Variants in SLC35F1 observed in about 807,000 individuals in gnomAD.
SLC35F1 encodes the protein chromosome 6 open reading frame 169.
In SLC35F1, 14 loss-of-function variants were observed where a neutral mutation model predicts 48.7. That is an observed-to-expected ratio of 0.29 (90% CI 0.19 to 0.45). The LOEUF (loss-of-function observed/expected upper bound fraction) is 0.45, where lower values mean the gene tolerates loss of function less well. SLC35F1 is among the 20% of genes least tolerant of loss of function. The pLI, the probability that SLC35F1 is intolerant of heterozygous loss-of-function variation, is 1.00. For missense variants in SLC35F1, 404 were observed against 500.0 expected, an observed-to-expected ratio of 0.81 and a Z score of 1.83; for synonymous variants, 190 against 202.2, an observed-to-expected ratio of 0.94 and a Z score of 0.51.
chr6:118,172,420 G>T (rs540941352), intron 2 of SLC35F1, among the ~76,000 whole-genome samples: 1 of 151,870 alleles, frequency 6.6e-6, no homozygotes, highest in Non-Finnish European at 1.5e-5. Flanking sequence ...TTTTATTAAC[G>T]TCTCATCCAA....
chr6:118,089,227 G>A (rs1253284839), intron 1 of SLC35F1, among the ~76,000 whole-genome samples: 1 of 152,102 alleles, frequency 6.6e-6, no homozygotes, highest in Non-Finnish European at 1.5e-5. Flanking sequence ...TCAGGATGAG[G>A]GCCAGAATGG....
In SLC35F1 at chr6:118,218,005, G is replaced by A. The variant is rs142942967; in HGVS notation, c.350-17504G>A. ...GTAGGACAGATGGCATGGTATAGAC[G>A]GCAGGTCCACAGACTGGATGGATGG... On this transcript the variant is annotated intron_variant, in intron 2 of 7. Coordinates refer to ENST00000360388, the MANE Select transcript of SLC35F1 (RefSeq NM_001029858.4). 2.5e-3 allele frequency among the ~76,000 whole-genome samples: 378 copies of A among 152,226 alleles called. 2 individuals are homozygous for A. The highest frequency in any genetic ancestry group is 4.1e-3 in the Non-Finnish European group (276 of 68,000).
intron 1 of SLC35F1, among the ~76,000 whole-genome samples, chr6:117,940,951 A>G (rs759697396): frequency 6.6e-6 from 1 of 152,138 alleles, no homozygotes; most frequent in Admixed American, 6.6e-5. Flanking sequence ...GCCTGGCCCA[A>G]AGATGTGGTT....
At chr6:118,260,843 A>G (rs1775703312) in intron 3 of SLC35F1, among the ~76,000 whole-genome samples, 1 of 152,178 alleles carries the variant, frequency 6.6e-6, no homozygotes, top group Non-Finnish European at 1.5e-5. Context: ...CTTCTACAAA[A>G]TATGAATTTT....
intron 2 of SLC35F1, among the ~76,000 whole-genome samples, chr6:118,197,822 C>T (rs1184327011): frequency 1.3e-5 from 2 of 152,058 alleles, no homozygotes; most frequent in African/African-American, 2.4e-5. Context: ...CTTTCTGAAA[C>T]AGCCGGTTCC....
chr6:118,110,351 T>A (rs1327475264), intron 1 of SLC35F1, among the ~76,000 whole-genome samples: 2 of 152,100 alleles, frequency 1.3e-5, no homozygotes, highest in Non-Finnish European at 2.9e-5. Context: ...AGCTAAAACC[T>A]GTATTGGTAG....
chr6:117,950,005 A>G (rs1471714654), intron 1 of SLC35F1, among the ~76,000 whole-genome samples: 1 of 152,004 alleles, frequency 6.6e-6, no homozygotes, highest in Non-Finnish European at 1.5e-5. Context: ...CTTTTGGTGT[A>G]TGTAGCTTTT....
chr6:118,007,252 C>T (rs1777185696), intron 1 of SLC35F1, among the ~76,000 whole-genome samples: 1 of 152,140 alleles, frequency 6.6e-6, no homozygotes. Flanking sequence ...GTCACTGGTG[C>T]CACTCCTGTG....
chr6:118,122,404 C>A (rs1016810900), intron 1 of SLC35F1, among the ~76,000 whole-genome samples: 17 of 152,122 alleles, frequency 1.1e-4, no homozygotes, highest in Non-Finnish European at 1.6e-4. Context: ...CAGTACCAAG[C>A]AAAGCTGCTC....
chr6:118,016,717 G>C (rs1248776372), intron 1 of SLC35F1, among the ~76,000 whole-genome samples: 1 of 152,192 alleles, frequency 6.6e-6, no homozygotes, highest in African/African-American at 2.4e-5. Flanking sequence ...CTTAGCGCTT[G>C]AATTAGTCAG....
intron 1 of SLC35F1, among the ~76,000 whole-genome samples, chr6:118,034,560 A>G (rs1357278657): frequency 6.6e-6 from 1 of 151,960 alleles, no homozygotes; most frequent in African/African-American, 2.4e-5. Flanking sequence ...TCTATCACAA[A>G]ATAAATAAAT....
At chr6:118,129,781 C>T (rs427474) in intron 1 of SLC35F1, among the ~76,000 whole-genome samples, 30,561 of 152,002 alleles carry the variant, frequency 0.2, 3,255 homozygotes, top group East Asian at 0.32. Flanking sequence ...ACAGGAACAA[C>T]CTTTACATAT....
At chr6:118,313,984 T>A in intron 7 of SLC35F1, 44 bp from the exon 8 acceptor site, 1 of 1,579,492 alleles carries the variant, frequency 6.3e-7, no homozygotes, top group Non-Finnish European at 8.7e-7. Context: ...GTGTCAGTGG[T>A]TCTGCCCTGG....
intron 1 of SLC35F1, among the ~76,000 whole-genome samples, chr6:118,044,970 G>A (rs147027782): frequency 6.4e-4 from 97 of 152,234 alleles, no homozygotes; most frequent in African/African-American, 2.2e-3. Flanking sequence ...GATAATTTTT[G>A]TACTATTATG....
chr6:118,228,017 A>G (rs569540104), intron 2 of SLC35F1, among the ~76,000 whole-genome samples: 2 of 152,296 alleles, frequency 1.3e-5, no homozygotes, highest in African/African-American at 4.8e-5. Context: ...CACTAACCCA[A>G]TTCCTACGTG....
chr6:118,027,861 T>A (rs1014893108), intron 1 of SLC35F1, among the ~76,000 whole-genome samples: 1 of 152,108 alleles, frequency 6.6e-6, no homozygotes, highest in Non-Finnish European at 1.5e-5. Context: ...AGAGACAAGA[T>A]CGGGCATGTT....
At chr6:118,041,597 A>G (rs1772222185) in intron 1 of SLC35F1, among the ~76,000 whole-genome samples, 1 of 152,228 alleles carries the variant, frequency 6.6e-6, no homozygotes, top group African/African-American at 2.4e-5. Context: ...AATGTTTGGT[A>G]CAAAGGAATA....
At chr6:118,001,664 A>G (rs553709482) in intron 1 of SLC35F1, among the ~76,000 whole-genome samples, 4 of 152,270 alleles carry the variant, frequency 2.6e-5, no homozygotes, top group East Asian at 1.9e-4. Context: ...TGAACAGGCA[A>G]CCTACAAAAT....
At chr6:118,214,872 A>G (rs1017428209) in intron 2 of SLC35F1, among the ~76,000 whole-genome samples, 5 of 152,162 alleles carry the variant, frequency 3.3e-5, no homozygotes, top group Non-Finnish European at 5.9e-5. Context: ...AATCAATGAC[A>G]TCCTTAGTTC....
Sources: allele counts gnomAD v4.1 joint callset (sites outside exome capture counted in the v4.1 genomes callset), GRCh38; gene constraint gnomAD v4.1.1; transcripts MANE v1.5; gene names NCBI Gene and HGNC (gene_info 2026-07-23, HGNC 2026-07-21).